The following ADCY8 variants were observed in gnomAD, a reference collection of about 807,000 sequenced individuals.
ADCY8 encodes the protein adenylate cyclase type 8.
Under a neutral mutation model 119.7 loss-of-function variants are expected in ADCY8, and 51 were observed. The observed-to-expected ratio is 0.43, with a 90% CI of 0.34 to 0.54. The LOEUF is 0.54. Ranked by LOEUF, ADCY8 falls within the 20% of genes least tolerant of loss-of-function variation. ADCY8 has a pLI of 0.03. For synonymous variants in ADCY8, 665 were observed against 651.0 expected, an observed-to-expected ratio of 1.02 and a Z score of -0.33; for missense variants, 1,383 against 1,598.8, an observed-to-expected ratio of 0.87 and a Z score of 2.30.
At chr8:130,820,729 G>A (rs1265548062) in intron 13 of ADCY8, among the ~76,000 whole-genome samples, 1 of 152,162 alleles carries the variant, frequency 6.6e-6, no homozygotes, top group Non-Finnish European at 1.5e-5. Context: ...TAAAGAGTAG[G>A]GGCTCATGGA....
intron 9 of ADCY8, 50 bp downstream of exon 9, chr8:130,867,796 G>A: frequency 2.2e-6 from 3 of 1,353,022 alleles, no homozygotes; most frequent in Non-Finnish European, 3.1e-6. Context: ...CTCCACATGA[G>A]GAATCTCACA....
chr8:130,978,846 AGAG>A (rs1822151604), intron 2 of ADCY8, among the ~76,000 whole-genome samples: 2 of 152,218 alleles, frequency 1.3e-5, no homozygotes, highest in South Asian at 4.1e-4. Context: ...AAAGCTCTGA[AGAG>A]AACTCTTGAG....
At chr8:130,808,382 A>G (rs1467612811) in intron 14 of ADCY8, among the ~76,000 whole-genome samples, 1 of 152,210 alleles carries the variant, frequency 6.6e-6, no homozygotes, top group Non-Finnish European at 1.5e-5. Flanking sequence ...ACTCACATAT[A>G]TAAAAAACAA....
chr8:130,842,764 TG>T (rs746564384), intron 11 of ADCY8, among the ~76,000 whole-genome samples: 44 of 150,814 alleles, frequency 2.9e-4, no homozygotes, highest in Non-Finnish European at 4.9e-4. Context: ...CCCAGCTACT[TG>T]GGAGGTGGAG....
intron 17 of ADCY8, among the ~76,000 whole-genome samples, chr8:130,782,889 A>G (rs149183455): frequency 6.2e-4 from 94 of 152,356 alleles, no homozygotes; most frequent in African/African-American, 2.2e-3. Context: ...CTACAGTGTG[A>G]GGACCGTAGC....
At chr8:130,821,995 G>A (rs1816524849) in intron 12 of ADCY8, among the ~76,000 whole-genome samples, 1 of 152,188 alleles carries the variant, frequency 6.6e-6, no homozygotes, top group Admixed American at 6.5e-5. Flanking sequence ...TAATTATTAT[G>A]CTTCTATAGA....
chr8:130,849,684 C>T lies in ADCY8; in HGVS notation c.2330G>A (p.Trp777Ter). The change falls in exon 10 of 18, where the codon TGG (tryptophan) becomes TAG (stop). Residue 777 changes from tryptophan (W) to a stop codon, truncating the protein, a stop_gained. Transcript: ENST00000286355. LOFTEE classifies it high-confidence loss of function. Reference protein sequence around the residue: ...LPLILRKTCCWINETYLARNV... With the variant: ...LPLILRKTCC ...CCGGGCCAAATAGGTCTCATTAATC[C>T]AACAGCAAGTTTTCCGGAGGATGAG... 1.2e-6 allele frequency: 2 copies of T among 1,613,984 alleles called. No individual in the cohort carries two copies. The highest frequency in any genetic ancestry group is 1.7e-6 in the Non-Finnish European group (2 of 1,179,918).
intron 12 of ADCY8, among the ~76,000 whole-genome samples, chr8:130,826,220 A>G (rs1816664257): frequency 1.3e-5 from 2 of 152,192 alleles, no homozygotes; most frequent in Admixed American, 1.3e-4. Context: ...ACTCACATCA[A>G]AAGGTTATCA....
chr8:130,850,674 G>A (rs1190567349), intron 9 of ADCY8, among the ~76,000 whole-genome samples: 1 of 152,002 alleles, frequency 6.6e-6, no homozygotes, highest in Non-Finnish European at 1.5e-5. Flanking sequence ...TTTTATATCT[G>A]CTCCTTTTTC....
rs557235308 is a variant in ADCY8, at chr8:130,790,922, C to T, written c.3061-5447G>A. On this transcript the variant is annotated intron_variant, in intron 15 of 17. Coordinates refer to ENST00000286355, the MANE Select transcript of ADCY8 (RefSeq NM_001115.3). Reference sequence around the variant, plus strand: ...TTTCCCAAATCTCCTTTGAATTTCCCCAGAGTAATCTCTTGATGATGTAGT... The same window carrying T: ...TTTCCCAAATCTCCTTTGAATTTCCTCAGAGTAATCTCTTGATGATGTAGT... 7.2e-5 allele frequency among the ~76,000 whole-genome samples: 11 copies of T among 152,280 alleles called. No homozygotes were observed. In the South Asian group the frequency reaches 1.2e-3, roughly 17 times the overall value.
At chr8:130,881,702 A>G (rs1818778308) in intron 8 of ADCY8, among the ~76,000 whole-genome samples, 1 of 152,118 alleles carries the variant, frequency 6.6e-6, no homozygotes, top group African/African-American at 2.4e-5. Context: ...TAAAATGTAC[A>G]CCTTGACATC....
At chr8:130,837,645 C>A (rs957160520) in intron 11 of ADCY8, among the ~76,000 whole-genome samples, 2 of 152,228 alleles carry the variant, frequency 1.3e-5, no homozygotes, top group Admixed American at 1.3e-4. Context: ...CAGCCTATTC[C>A]TTCCCTTAGA....
chr8:130,963,749 T>C (rs1821678517), intron 2 of ADCY8, among the ~76,000 whole-genome samples: 1 of 152,176 alleles, frequency 6.6e-6, no homozygotes, highest in African/African-American at 2.4e-5. Context: ...ATTGATTGGC[T>C]GTTCTATCAG....
intron 9 of ADCY8, 80 bp from the exon 10 acceptor site, chr8:130,849,883 C>A (rs1691149999): frequency 7.5e-7 from 1 of 1,327,422 alleles, no homozygotes; most frequent in Non-Finnish European, 1.1e-6. Context: ...GTCTTCCTTT[C>A]CCATCCCTTG....
chr8:130,825,933 G>A (rs529609633), intron 12 of ADCY8, among the ~76,000 whole-genome samples: 156 of 152,312 alleles, frequency 1.0e-3, no homozygotes, highest in Non-Finnish European at 1.7e-3. Flanking sequence ...TGCATGGACT[G>A]AAATTATCCT....
At chr8:130,817,822 T>G (rs531508704) in intron 13 of ADCY8, among the ~76,000 whole-genome samples, 2 of 152,250 alleles carry the variant, frequency 1.3e-5, no homozygotes, top group Admixed American at 6.5e-5. Context: ...AGGTAACAAA[T>G]AGTGAGGAGA....
intron 1 of ADCY8, among the ~76,000 whole-genome samples, chr8:130,996,979 G>C (rs540376820): frequency 7.2e-4 from 109 of 152,204 alleles, no homozygotes; most frequent in Non-Finnish European, 1.3e-3. Context: ...AGAAACTTCT[G>C]TTAGGGAATA....
Position 130,884,656 on chromosome 8 carries a change from G to C in ADCY8, c.2017C>G (p.His673Asp). 6.2e-7 allele frequency: 1 copy of C among 1,613,850 alleles called. No individual in the cohort carries two copies. The highest frequency in any genetic ancestry group is 2.2e-5 in the East Asian group (1 of 44,848). The change falls in exon 8 of 18, where the codon CAT (histidine) becomes GAT (aspartate). Residue 673 changes from histidine (H) to aspartate (D), a missense_variant. Physicochemically the swap from His to Asp is moderately conservative, Grantham distance 81. Transcript: ENST00000286355. The part of the protein sequence containing the change: ...GPEEINKRIE[H>D]TIDLRSGDKL... ...TCGCCACTCCGCAAGTCGATGGTAT[G>C]TTCTATTCTCTTGTTAATTTCCTCA... is the stretch of plus-strand genomic sequence containing the variant.
chr8:130,964,127 A>G (rs1285254227), intron 2 of ADCY8, among the ~76,000 whole-genome samples: 1 of 152,162 alleles, frequency 6.6e-6, no homozygotes, highest in Non-Finnish European at 1.5e-5. Flanking sequence ...CTTCTGCCTC[A>G]CTGAAACCTG....
Sources: gnomAD v4.1 joint callset for allele counts (sites outside exome capture counted in the v4.1 genomes callset) on GRCh38, gnomAD v4.1.1 for gene constraint, MANE v1.5 for transcripts, NCBI Gene and HGNC (gene_info 2026-07-23, HGNC 2026-07-21) for gene names.